LPAR6: variants seen among roughly 807,000 people sequenced by gnomAD.
LPAR6 encodes G-protein coupled purinergic receptor P2Y5.
In LPAR6, 17 loss-of-function variants were observed where a neutral mutation model predicts 22.0. That is an observed-to-expected ratio of 0.77 (90% CI 0.53 to 1.16). LPAR6 has a LOEUF of 1.16. Ranked by LOEUF, LPAR6 falls within the 50% of genes most tolerant of loss-of-function variation. The pLI is 0.00. For synonymous variants in LPAR6, 136 were observed against 139.8 expected, an observed-to-expected ratio of 0.97 and a Z score of 0.19; for missense variants, 384 against 406.9, an observed-to-expected ratio of 0.94 and a Z score of 0.48.
chr13:48,437,659 C>T (rs576879492), intron 1 of LPAR6, among the ~76,000 whole-genome samples: 2 of 152,274 alleles, frequency 1.3e-5, no homozygotes, highest in East Asian at 1.9e-4. Context: ...GCCATGTGAG[C>T]CTCTCCGTAG....
upstream of LPAR6, among the ~76,000 whole-genome samples, chr13:48,430,084 C>A (rs1417196841): frequency 6.6e-6 from 1 of 152,092 alleles, no homozygotes; most frequent in Admixed American, 6.5e-5. Context: ...AGAAAAAAAT[C>A]CCCTCCTAAT....
At chr13:48,431,918 A>G (rs1218691054) in intron 1 of LPAR6, among the ~76,000 whole-genome samples, 1 of 152,084 alleles carries the variant, frequency 6.6e-6, no homozygotes, top group Non-Finnish European at 1.5e-5. Flanking sequence ...CAAAATATTT[A>G]TTGAGTGTAA....
chr13:48,433,413 G>A (rs1209432141), intron 1 of LPAR6, among the ~76,000 whole-genome samples: 3 of 152,020 alleles, frequency 2.0e-5, no homozygotes, highest in Non-Finnish European at 4.4e-5. Flanking sequence ...TTGAAGAAGA[G>A]AATTGGGATT....
intron 1 of LPAR6, among the ~76,000 whole-genome samples, chr13:48,438,982 T>C (rs144063098): frequency 6.6e-6 from 1 of 152,284 alleles, no homozygotes; most frequent in Non-Finnish European, 1.5e-5. Flanking sequence ...GAATGATAGA[T>C]GGAATTGTGG....
upstream of LPAR6, among the ~76,000 whole-genome samples, chr13:48,431,417 G>A (rs552879681): frequency 3.9e-5 from 6 of 152,284 alleles, no homozygotes; most frequent in African/African-American, 1.4e-4. Context: ...AGGCATTTAT[G>A]CAGATAAATG....
intron 1 of LPAR6, among the ~76,000 whole-genome samples, chr13:48,397,095 C>T (rs375105): frequency 0.21 from 31,622 of 152,110 alleles, 3,454 homozygotes; most frequent in South Asian, 0.26. Flanking sequence ...GGCGATTCCT[C>T]AAGGATCTAG....
At position 48,412,361 on chromosome 13, in the gene LPAR6, C is replaced by A. The variant is rs780067410; in HGVS notation, c.63G>T (p.Gly21=). 6 of 1,613,614 alleles carry A rather than the reference C, an allele frequency of 3.7e-6. No homozygotes were observed. ...GCACAAACACCATGCTGAACATGCA[C>A]CCATACAAAGTGTACTTAAAGGAGT... ...YNDSFKYTLY[G]CMFSMVFVLG... is the part of the protein sequence containing the mutation. Residue 21 remains glycine (G), a synonymous_variant, in exon 1 of 1, where the codon GGG becomes GGT. Transcript: ENST00000620633.
upstream of LPAR6, among the ~76,000 whole-genome samples, chr13:48,416,902 A>C (rs993657920): frequency 8.5e-5 from 13 of 152,186 alleles, no homozygotes; most frequent in Admixed American, 7.9e-4. Context: ...TCTGAAAAAA[A>C]GGCAGCAGCC....
At chr13:48,398,138 T>C (rs771421458) in intron 1 of LPAR6, among the ~76,000 whole-genome samples, 40 of 152,306 alleles carry the variant, frequency 2.6e-4, no homozygotes, top group South Asian at 1.2e-3. Flanking sequence ...GATAAAGCAA[T>C]TATGCTATAT....
chr13:48,433,074 A>C (rs1949146591), intron 1 of LPAR6, among the ~76,000 whole-genome samples: 1 of 152,100 alleles, frequency 6.6e-6, no homozygotes, highest in African/African-American at 2.4e-5. Context: ...AAGTTTCTCA[A>C]AGTGATTTTA....
chr13:48,422,288 G>T (rs575019216), intron 2 of LPAR6, among the ~76,000 whole-genome samples: 1 of 152,098 alleles, frequency 6.6e-6, no homozygotes, highest in African/African-American at 2.4e-5. Context: ...AACACCGCAT[G>T]TTCTCACTCA....
chr13:48,428,702 C>T (rs1949100854), upstream of LPAR6, among the ~76,000 whole-genome samples: 6 of 152,192 alleles, frequency 3.9e-5, no homozygotes, highest in East Asian at 1.9e-4. Flanking sequence ...GTATGATGAC[C>T]ATCCTTCATT....
intron 1 of LPAR6, among the ~76,000 whole-genome samples, chr13:48,442,340 A>G (rs540914558): frequency 1.2e-4 from 19 of 152,230 alleles, no homozygotes; most frequent in African/African-American, 4.3e-4. Flanking sequence ...AGCTGGGACT[A>G]CAGGCGCATG....
In LPAR6 at chr13:48,411,573, C is replaced by T. The variant is rs1230029466; in HGVS notation, c.851G>A (p.Cys284Tyr). Residue 284 changes from cysteine (C) to tyrosine (Y), a missense_variant, in exon 1 of 1, where the codon TGT becomes TAT. Cys to Tyr is a radical substitution (Grantham distance 194). Transcript: ENST00000620633. ...PITLCIAVSN[C>Y]CFDPIVYYFT... The stretch of plus-strand genomic sequence containing the variant: ...GTAGTAAACTATAGGGTCAAAACAA[C>T]AGTTGGAAACAGCAATACAGAGAGT... 1 of 1,613,454 alleles carries T rather than the reference C, an allele frequency of 6.2e-7. No homozygotes were observed. Among genetic ancestry groups the T allele is most frequent in the African/African-American group, 1.3e-5 (1 of 74,898 alleles).
exon 2 of LPAR6, chr13:48,422,765 A>T (rs1949025214): frequency 6.7e-6 from 1 of 149,596 alleles, no homozygotes; most frequent in South Asian, 2.2e-4. Flanking sequence ...ACTGCACTTC[A>T]GCCTGGTGAC....
In LPAR6 at chr13:48,419,010, C is replaced by T. The variant is rs192375484; in HGVS notation, c.-953-1690G>A. Among the ~76,000 whole-genome samples, 248 of 152,242 alleles carry T rather than the reference C, an allele frequency of 1.6e-3. 2 individuals are homozygous for T. The highest frequency in any genetic ancestry group is 0.012 in the East Asian group (62 of 5,182). On this transcript the variant is annotated intron_variant, in intron 2 of 4. Coordinates refer to the LPAR6 transcript ENST00000345941. Reference sequence around the variant, plus strand: ...AGAAAATTAACAAGGATATTCAGGACTTGAACTCAGCTCTGCACCAAGCAG... The same window carrying T: ...AGAAAATTAACAAGGATATTCAGGATTTGAACTCAGCTCTGCACCAAGCAG...
chr13:48,433,673 C>T (rs1420088834), intron 1 of LPAR6, among the ~76,000 whole-genome samples: 1 of 101,336 alleles, frequency 9.9e-6, no homozygotes, highest in Admixed American at 1.4e-4. Context: ...TTACTGTTAA[C>T]AAAAATGCAT....
At chr13:48,421,025 GA>G (rs1948997199) in intron 2 of LPAR6, among the ~76,000 whole-genome samples, 2 of 152,050 alleles carry the variant, frequency 1.3e-5, no homozygotes, top group African/African-American at 4.8e-5. Flanking sequence ...TATAAAATTA[GA>G]AAAAACTACT....
chr13:48,417,729 C>T (rs1167492494), upstream of LPAR6, among the ~76,000 whole-genome samples: 13 of 152,088 alleles, frequency 8.5e-5, no homozygotes, highest in African/African-American at 2.9e-4. Context: ...ACAAGAACTT[C>T]GTGAAGCATA....
Sources: gnomAD v4.1 joint callset for allele counts (sites outside exome capture counted in the v4.1 genomes callset) on GRCh38, gnomAD v4.1.1 for gene constraint, MANE v1.5 for transcripts, NCBI Gene and HGNC (gene_info 2026-07-23, HGNC 2026-07-21) for gene names.